Variants in RAB6A observed in about 807,000 individuals in gnomAD.
RAB6A encodes the protein ras-related protein Rab-6A.
A neutral mutation model predicts 32.3 loss-of-function variants in RAB6A; 8 were observed. The ratio of observed to expected loss-of-function variants is 0.25; its 90% CI spans 0.15 to 0.45. The LOEUF (loss-of-function observed/expected upper bound fraction) is 0.45. Ranked by LOEUF, RAB6A falls within the 20% of genes least tolerant of loss-of-function variation. The probability of loss-of-function intolerance (pLI) is 1.00; values close to 1 mark genes in which losing one functional copy is unlikely to be tolerated. For synonymous variants in RAB6A, 73 were observed against 82.1 expected (o/e 0.89, Z 0.60); for missense variants, 104 against 249.4 (o/e 0.42, Z 3.93).
intron 2 of RAB6A, 71 bp from the exon 3 acceptor site, chr11:73,720,970 G>A (rs552289222): frequency 8.6e-6 from 9 of 1,049,666 alleles, no homozygotes; most frequent in Non-Finnish European, 1.2e-5. Flanking sequence ...ATTCAAATGG[G>A]ATTCATGATT....
intron 1 of RAB6A, 56 bp downstream of exon 1, chr11:73,760,510 G>A (rs903653191): frequency 7.8e-6 from 12 of 1,538,724 alleles, no homozygotes; most frequent in South Asian, 5.9e-5. Flanking sequence ...GCCGCACCGG[G>A]GGCGGTGCGG....
At chr11:73,711,498 C>T (rs991011567) in intron 5 of RAB6A, among the ~76,000 whole-genome samples, 1 of 152,102 alleles carries the variant, frequency 6.6e-6, no homozygotes, top group Admixed American at 6.5e-5. Flanking sequence ...TTTGTCAAAC[C>T]ATTTTCCTTT....
chr11:73,732,596 T>A (rs748618853), intron 1 of RAB6A, among the ~76,000 whole-genome samples: 5 of 151,676 alleles, frequency 3.3e-5, no homozygotes, highest in Admixed American at 6.6e-5. Flanking sequence ...AAAAAATATA[T>A]ATAAATAAAT....
At chr11:73,679,603 C>T (rs771286596) in intron 7 of RAB6A, 51 bp downstream of exon 7, 3 of 1,604,594 alleles carry the variant, frequency 1.9e-6, no homozygotes, top group African/African-American at 2.7e-5. Flanking sequence ...AAGCAGGGCT[C>T]TAAAGACTAG....
intron 6 of RAB6A, among the ~76,000 whole-genome samples, chr11:73,700,232 CTTATCA>C (rs1387941803): frequency 2.6e-5 from 4 of 152,080 alleles, no homozygotes; most frequent in Admixed American, 6.6e-5. Context: ...AAGTAATCAC[CTTATCA>C]TTATCATTTC....
At chr11:73,746,295 T>A (rs1012715009) in intron 1 of RAB6A, among the ~76,000 whole-genome samples, 1 of 152,226 alleles carries the variant, frequency 6.6e-6, no homozygotes, top group African/African-American at 2.4e-5. Flanking sequence ...TGTATATTTA[T>A]GATTTATATG....
chr11:73,749,705 C>G (rs1378785983), intron 1 of RAB6A, among the ~76,000 whole-genome samples: 1 of 152,136 alleles, frequency 6.6e-6, no homozygotes, highest in East Asian at 1.9e-4. Flanking sequence ...TATGAAAAAA[C>G]TTAAAAATTA....
chr11:73,747,345 G>A (rs1452699071), intron 1 of RAB6A, among the ~76,000 whole-genome samples: 1 of 151,880 alleles, frequency 6.6e-6, no homozygotes, highest in African/African-American at 2.4e-5. Flanking sequence ...TGGGATTACA[G>A]GCGCCCACCA....
At chr11:73,688,421 C>T (rs1945494251) in intron 6 of RAB6A, among the ~76,000 whole-genome samples, 1 of 152,050 alleles carries the variant, frequency 6.6e-6, no homozygotes, top group African/African-American at 2.4e-5. Context: ...GGGGTAGACT[C>T]CCAGGAAGAG....
chr11:73,686,684 G>T (rs1324295443), intron 6 of RAB6A, among the ~76,000 whole-genome samples: 11 of 152,068 alleles, frequency 7.2e-5, no homozygotes, highest in Admixed American at 7.2e-4. Context: ...ATAAAATTAG[G>T]TTTACAAGTT....
chr11:73,680,377 C>T (rs1980345), intron 6 of RAB6A, among the ~76,000 whole-genome samples: 41,315 of 152,198 alleles, frequency 0.27, 5,702 homozygotes, highest in African/African-American at 0.32. Context: ...AGGTTCAGGG[C>T]TGGACGCGGT....
At chr11:73,722,343 A>ATTTTTTTTT (rs537309131) in intron 2 of RAB6A, 13 of 15,364 alleles carry the variant, frequency 8.5e-4, no homozygotes, top group Admixed American at 1.3e-3. Flanking sequence ...ATATATATAT[A>ATTTTTTTTT]TTTTTTTTTT....
intron 1 of RAB6A, among the ~76,000 whole-genome samples, chr11:73,742,723 T>A (rs1257862310): frequency 6.6e-6 from 1 of 151,924 alleles, no homozygotes; most frequent in Non-Finnish European, 1.5e-5. Context: ...GGCAGGAGAA[T>A]CGCTTGAACT....
At chr11:73,687,479 C>G (rs1945477930) in intron 6 of RAB6A, among the ~76,000 whole-genome samples, 1 of 152,168 alleles carries the variant, frequency 6.6e-6, no homozygotes, top group South Asian at 2.1e-4. Context: ...CCACTGTGCC[C>G]AGCTCAAGAG....
intron 5 of RAB6A, among the ~76,000 whole-genome samples, chr11:73,714,071 A>G (rs1946009542): frequency 1.3e-5 from 2 of 151,342 alleles, no homozygotes; most frequent in Non-Finnish European, 1.5e-5. Flanking sequence ...AAGCTCTTGT[A>G]ATTCCAGCTA....
Position 73,720,904 on chromosome 11 carries a change from A to G in RAB6A, c.130-5T>C, listed in dbSNP as rs1168588156. The stretch of plus-strand genomic sequence containing the variant: ...AAAGTCAATGCCAATTGTTGCCTGT[A>G]AAACAAAACAAAGAAGTTAACAAAT... On this transcript the variant is annotated splice_polypyrimidine_tract_variant and splice_region_variant and intron_variant, in intron 2 of 7. Coordinates refer to ENST00000336083, the MANE Select transcript of RAB6A (RefSeq NM_198896.2). The G allele has an allele frequency of 6.2e-7, 1 of 1,600,260 alleles. No individual in the cohort carries two copies. The highest frequency in any genetic ancestry group is 8.6e-7 in the Non-Finnish European group (1 of 1,169,106).
chr11:73,742,640 C>G lies in RAB6A; in HGVS notation c.71-11817G>C, dbSNP rs555073637. Among the ~76,000 whole-genome samples, 35 of 152,136 alleles carry G rather than the reference C, an allele frequency of 2.3e-4. 2 individuals carry two copies. In the South Asian group the frequency reaches 6.2e-3, roughly 27 times the overall value. ...CAGCCTGACCAACACGGAGAAACCC[C>G]GTCGCTACTAAAAATACAAAATTAG... On this transcript the variant is annotated intron_variant, in intron 1 of 7. Transcript: ENST00000336083.
chr11:73,699,407 T>C (rs1201905543), intron 6 of RAB6A, among the ~76,000 whole-genome samples: 2 of 152,174 alleles, frequency 1.3e-5, no homozygotes, highest in African/African-American at 2.4e-5. Flanking sequence ...TAGCTGGGAC[T>C]ACAGACACTC....
intron 1 of RAB6A, among the ~76,000 whole-genome samples, chr11:73,758,334 TTAA>T (rs1413110863): frequency 1.3e-5 from 2 of 152,126 alleles, no homozygotes; most frequent in African/African-American, 2.4e-5. Context: ...TGGACTTAAG[TTAA>T]TAATAACATA....
Sources: gnomAD v4.1 joint callset for allele counts (sites outside exome capture counted in the v4.1 genomes callset) on GRCh38, gnomAD v4.1.1 for gene constraint, MANE v1.5 for transcripts, NCBI Gene and HGNC (gene_info 2026-07-23, HGNC 2026-07-21) for gene names.